The following RNF144A variants were observed in gnomAD, a reference collection of about 807,000 sequenced individuals.
RNF144A encodes E3 ubiquitin-protein ligase RNF144A.
Under a neutral mutation model 38.7 loss-of-function variants are expected in RNF144A, and 11 were observed. The ratio of observed to expected loss-of-function variants is 0.28; its 90% confidence interval spans 0.18 to 0.47. RNF144A has a LOEUF of 0.47. Among genes scored for constraint, RNF144A ranks in the 20% least tolerant of loss-of-function variants. RNF144A has a pLI of 0.99. For synonymous variants in RNF144A, 149 were observed against 143.9 expected (o/e 1.04, Z -0.25); for missense variants, 316 against 377.2 (o/e 0.84, Z 1.34).
At chr2:6,919,915 T>A (rs1233828111) in intron 1 of RNF144A, among the ~76,000 whole-genome samples, 4 of 152,224 alleles carry the variant, frequency 2.6e-5, no homozygotes, top group Non-Finnish European at 5.9e-5. Context: ...TCAAAGAGCA[T>A]TGTAAAATGC....
chr2:7,045,207 C>G (rs538719003), downstream of RNF144A, among the ~76,000 whole-genome samples: 13 of 152,356 alleles, frequency 8.5e-5, no homozygotes, highest in South Asian at 1.9e-3. Context: ...ACTCAAATGT[C>G]TGACCTGGTG....
intron 2 of RNF144A, among the ~76,000 whole-genome samples, chr2:6,971,789 C>G (rs982397552): frequency 6.6e-6 from 1 of 152,096 alleles, no homozygotes; most frequent in Admixed American, 6.5e-5. Flanking sequence ...GGATTCAACT[C>G]CCAGTTTCCA....
chr2:7,014,371 TG>T, intron 3 of RNF144A, 82 bp from the exon 4 acceptor site: 1 of 889,812 alleles, frequency 1.1e-6, no homozygotes, highest in Non-Finnish European at 1.9e-6. Flanking sequence ...ATGATGTGCC[TG>T]GTCCTTTTTT....
chr2:7,072,346 T>C (rs1057171411), downstream of RNF144A, among the ~76,000 whole-genome samples: 1 of 152,164 alleles, frequency 6.6e-6, no homozygotes, highest in African/African-American at 2.4e-5. Flanking sequence ...GACTCAGATG[T>C]TTAACAGAGG....
At chr2:7,032,448 A>G (rs745478708) in intron 8 of RNF144A, among the ~76,000 whole-genome samples, 3 of 152,220 alleles carry the variant, frequency 2.0e-5, no homozygotes, top group African/African-American at 4.8e-5. Context: ...GAACAGCAGA[A>G]ATGTATTGGC....
intron 2 of RNF144A, among the ~76,000 whole-genome samples, chr2:6,966,562 A>G (rs1027955119): frequency 1.3e-5 from 2 of 152,230 alleles, no homozygotes; most frequent in South Asian, 2.1e-4. Context: ...AGTCACCAAA[A>G]TGTCTAAAGC....
At chr2:7,074,724 A>T in the RNF144A span, 1 of 152,692 alleles carries the variant, frequency 6.5e-6, no homozygotes, top group Non-Finnish European at 1.5e-5. Context: ...TACCTGAAAC[A>T]TAGGAGGTGA....
At chr2:6,981,130 C>T (rs1668606944) in intron 2 of RNF144A, among the ~76,000 whole-genome samples, 1 of 152,178 alleles carries the variant, frequency 6.6e-6, no homozygotes, top group Non-Finnish European at 1.5e-5. Flanking sequence ...TCCTTCTACA[C>T]CTCCAGGCCT....
In RNF144A at chr2:6,941,725, G is replaced by A. The variant is rs772696711; in HGVS notation, c.-12+578G>A. Among the ~76,000 whole-genome samples the A allele has an allele frequency of 1.5e-4, 23 of 152,264 alleles. No individual in the cohort carries two copies. The highest frequency in any genetic ancestry group is 2.5e-4 in the Non-Finnish European group (17 of 68,048). ...GCAGGTTGCAGTTTTAAGTGGAGTG[G>A]TCAGGGAGGTCTCTAAAGGTGAAAT... On this transcript the variant is annotated intron_variant, in intron 2 of 8. Transcript: ENST00000320892. The surrounding 1 kb of genome is among the most constrained non-coding windows in gnomAD (Gnocchi z 6.5).
intron 5 of RNF144A, among the ~76,000 whole-genome samples, chr2:7,018,510 A>G (rs1659977380): frequency 6.6e-6 from 1 of 152,218 alleles, no homozygotes; most frequent in Admixed American, 6.5e-5. Flanking sequence ...CGTGGCGCTC[A>G]GTGCCCCAGG....
intron 2 of RNF144A, among the ~76,000 whole-genome samples, chr2:6,985,827 C>T (rs539900300): frequency 1.4e-4 from 21 of 152,268 alleles, no homozygotes; most frequent in Admixed American, 4.6e-4. Context: ...TGCGCACCAT[C>T]GCACCCGGCT....
chr2:7,063,532 G>A (rs6760438), intron 6 of RNF144A, among the ~76,000 whole-genome samples: 20,567 of 152,024 alleles, frequency 0.14, 1,453 homozygotes, highest in African/African-American at 0.16. Context: ...TTTTAGAGCC[G>A]TTGTGCTAAA....
At chr2:7,032,899 A>T (rs1418406292) in intron 8 of RNF144A, among the ~76,000 whole-genome samples, 1 of 152,202 alleles carries the variant, frequency 6.6e-6, no homozygotes, top group East Asian at 1.9e-4. Flanking sequence ...AGGAGGCTGC[A>T]TTCCTCTTCT....
At chr2:6,929,787 A>G (rs570178832) in intron 1 of RNF144A, among the ~76,000 whole-genome samples, 52 of 152,376 alleles carry the variant, frequency 3.4e-4, no homozygotes, top group African/African-American at 1.2e-3. Context: ...TATAACTACC[A>G]TTATGTGATA....
downstream of RNF144A, among the ~76,000 whole-genome samples, chr2:7,070,297 A>C (rs1033860891): frequency 2.0e-5 from 3 of 152,138 alleles, no homozygotes; most frequent in Non-Finnish European, 4.4e-5. Context: ...CAGCCTCCCG[A>C]GTAGCTGTGA....
Position 7,042,106 on chromosome 2 carries a change from G to T in RNF144A, c.*2346G>T. The T allele has an allele frequency of 1.0e-6, 1 of 985,288 alleles. No individual in the cohort carries two copies. The highest frequency in any genetic ancestry group is 1.2e-6 in the Non-Finnish European group (1 of 829,882). The allele number at this position is 985,288 out of a possible 1,614,324, so 61.0% of individuals were successfully genotyped here. A position where few individuals can be genotyped will look rare whatever the true frequency, so the allele number is the denominator to read the frequency against. ...GCCTCAGTTTCCTCATTTTGATCTA[G>T]ATATAAAATTAAAATTGTCCATTTC... On this transcript the variant is annotated 3_prime_UTR_variant, in exon 9 of 9. Coordinates refer to ENST00000320892, the MANE Select transcript of RNF144A (RefSeq NM_014746.6).
At chr2:7,036,578 C>G (rs560199932) in intron 8 of RNF144A, among the ~76,000 whole-genome samples, 7 of 152,212 alleles carry the variant, frequency 4.6e-5, no homozygotes, top group Non-Finnish European at 8.8e-5. Context: ...GGATGCTAAG[C>G]TCTGTCTGTT....
At chr2:6,949,564 T>C (rs1464395072) in intron 2 of RNF144A, among the ~76,000 whole-genome samples, 2 of 152,208 alleles carry the variant, frequency 1.3e-5, no homozygotes, top group African/African-American at 4.8e-5. Flanking sequence ...GAGCTGGCCC[T>C]GGAGGCAGTC....
At chr2:7,033,004 T>C (rs935678998) in intron 8 of RNF144A, among the ~76,000 whole-genome samples, 1 of 152,244 alleles carries the variant, frequency 6.6e-6, no homozygotes, top group Non-Finnish European at 1.5e-5. Context: ...TGGATGCTGT[T>C]GTGTGCACCT....
Sources: allele counts gnomAD v4.1 joint callset (sites outside exome capture counted in the v4.1 genomes callset), GRCh38; gene constraint gnomAD v4.1.1; non-coding constraint Gnocchi (gnomAD v3.1); transcripts MANE v1.5; gene names NCBI Gene and HGNC (gene_info 2026-07-23, HGNC 2026-07-21).